DYNAP: variants seen among roughly 807,000 people sequenced by gnomAD.
The protein encoded by DYNAP is dynactin associated protein.
Under a neutral mutation model 8.5 loss-of-function variants are expected in DYNAP, and 7 were observed. That is an observed-to-expected ratio of 0.82 (90% CI 0.47 to 1.54). The LOEUF is 1.54. Among genes scored for constraint, DYNAP ranks in the 40% most tolerant of loss-of-function variants. The pLI is 0.01. For synonymous variants in DYNAP, 77 were observed against 77.9 expected (o/e 0.99, Z 0.06); for missense variants, 256 against 224.3 (o/e 1.14, Z -0.90).
chr18:54,580,358 C>T, the DYNAP span, among the ~76,000 whole-genome samples: 1 of 152,234 alleles, frequency 6.6e-6, no homozygotes, highest in African/African-American at 2.4e-5. Flanking sequence ...TGCTTACCAG[C>T]ACTTTAGCTA....
intron 1 of DYNAP, among the ~76,000 whole-genome samples, chr18:54,594,428 C>T (rs1911203213): frequency 6.6e-6 from 1 of 152,068 alleles, no homozygotes; most frequent in Admixed American, 6.6e-5. Context: ...CATAGTATGG[C>T]ATAGCATAAG....
chr18:54,583,695 G>A (rs941951924), upstream of DYNAP, among the ~76,000 whole-genome samples: 5 of 152,166 alleles, frequency 3.3e-5, no homozygotes, highest in Non-Finnish European at 7.4e-5. Flanking sequence ...TACTTAATTA[G>A]TACTATATTT....
the DYNAP span, among the ~76,000 whole-genome samples, chr18:54,575,984 G>T: frequency 6.6e-6 from 1 of 151,978 alleles, no homozygotes. Flanking sequence ...GTTCATTCTT[G>T]AACTTCATAT....
At chr18:54,591,998 T>C (rs554845922) in intron 1 of DYNAP, among the ~76,000 whole-genome samples, 1 of 152,264 alleles carries the variant, frequency 6.6e-6, no homozygotes, top group South Asian at 2.1e-4. Flanking sequence ...AATAGTGAGT[T>C]AAAATTCACT....
intron 2 of DYNAP, among the ~76,000 whole-genome samples, chr18:54,595,599 C>T (rs766835775): frequency 2.6e-5 from 4 of 152,042 alleles, no homozygotes; most frequent in Admixed American, 6.6e-5. Flanking sequence ...CTGGTGTATA[C>T]GACCTTAACA....
upstream of DYNAP, chr18:54,591,121 T>A (rs1176975897): frequency 2.2e-6 from 3 of 1,366,890 alleles, no homozygotes; most frequent in Middle Eastern, 2.1e-4. Flanking sequence ...GTGGATCCTG[T>A]TTTAGTGAAT....
At chr18:54,576,833 A>T in the DYNAP span, among the ~76,000 whole-genome samples, 2 of 104,824 alleles carry the variant, frequency 1.9e-5, no homozygotes, top group African/African-American at 2.9e-5. Context: ...CAACAACAAC[A>T]ACAACACCAA....
At position 54,598,623 on chromosome 18, in the gene DYNAP, A is replaced by T. The variant is rs1911415175; in HGVS notation, c.*478A>T. 6.5e-6 allele frequency: 1 copy of T among 153,782 alleles called. No homozygotes were observed. Among genetic ancestry groups the T allele is most frequent in the South Asian group, 2.0e-4 (1 of 4,896 alleles). 9.5% of individuals were successfully genotyped at this position (153,782 alleles called of 1,614,324 possible). A position where few individuals can be genotyped will look rare whatever the true frequency, so the allele number is the denominator to read the frequency against. On this transcript the variant is annotated 3_prime_UTR_variant, in exon 3 of 3. Coordinates refer to ENST00000648945, the MANE Select transcript of DYNAP (RefSeq NM_173629.3). ...GTTTTATTTAACCCTGTATATTGTG[A>T]CTTACTTTCTAATCTGACTCTGGCA...
At chr18:54,591,172 A>G (rs1911055362), upstream of DYNAP, 2 of 1,599,266 alleles carry the variant, frequency 1.3e-6, no homozygotes, top group South Asian at 1.1e-5. Flanking sequence ...CTGATGCATC[A>G]TAGTTGACTT....
At chr18:54,579,038 G>A in the DYNAP span, among the ~76,000 whole-genome samples, 34 of 151,966 alleles carry the variant, frequency 2.2e-4, no homozygotes, top group South Asian at 6.4e-3. Flanking sequence ...TGACCTCATG[G>A]TCCGCCCGCC....
upstream of DYNAP, chr18:54,591,016 T>C: frequency 2.2e-6 from 1 of 451,812 alleles, no homozygotes; most frequent in Non-Finnish European, 3.8e-6. Flanking sequence ...AACAATAATG[T>C]AAGGTTTTCA....
upstream of DYNAP, among the ~76,000 whole-genome samples, chr18:54,583,001 A>G (rs1910769742): frequency 6.6e-6 from 1 of 152,204 alleles, no homozygotes; most frequent in Admixed American, 6.5e-5. Context: ...TACACGTTTC[A>G]TTGATCATCC....
chr18:54,589,968 T>A (rs1005887448), upstream of DYNAP, among the ~76,000 whole-genome samples: 1 of 152,168 alleles, frequency 6.6e-6, no homozygotes, highest in Non-Finnish European at 1.5e-5. Context: ...TAAATCTTTA[T>A]GTTTTTCTTT....
rs1192588832 is a variant in DYNAP, at chr18:54,598,915, T to A, written c.*770T>A. The A allele has an allele frequency of 6.6e-6, 1 of 152,134 alleles. No homozygotes were observed. Among genetic ancestry groups the A allele is most frequent in the Non-Finnish European group, 1.5e-5 (1 of 68,010 alleles). The allele number at this position is 152,134 out of a possible 1,614,324, so 9.4% of individuals were successfully genotyped here. A position where few individuals can be genotyped will look rare whatever the true frequency, so the allele number is the denominator to read the frequency against. The stretch of plus-strand genomic sequence containing the variant: ...GATTCCTCTGCACAATAAAACTTGA[T>A]CTCCACAATCCTTTATCTTAACCTG... On this transcript the variant is annotated 3_prime_UTR_variant, in exon 3 of 3. Coordinates refer to ENST00000648945, the MANE Select transcript of DYNAP (RefSeq NM_173629.3).
At chr18:54,584,567 T>A (rs1201102764), upstream of DYNAP, among the ~76,000 whole-genome samples, 1 of 152,068 alleles carries the variant, frequency 6.6e-6, no homozygotes, top group Non-Finnish European at 1.5e-5. Flanking sequence ...TTCATAGAAA[T>A]TTTAAACCAT....
upstream of DYNAP, among the ~76,000 whole-genome samples, chr18:54,589,442 G>A (rs577781320): frequency 1.8e-4 from 27 of 152,226 alleles, no homozygotes; most frequent in South Asian, 4.8e-3. Context: ...TCAAAGAATT[G>A]TTCATAATAC....
chr18:54,586,653 C>A (rs1465658704), upstream of DYNAP, among the ~76,000 whole-genome samples: 1 of 152,138 alleles, frequency 6.6e-6, no homozygotes, highest in Non-Finnish European at 1.5e-5. Context: ...GTGTGGTACA[C>A]ACTAGACACT....
At chr18:54,581,562 C>G in the DYNAP span, among the ~76,000 whole-genome samples, 2 of 152,328 alleles carry the variant, frequency 1.3e-5, no homozygotes, top group East Asian at 3.9e-4. Flanking sequence ...CGAAAGCATT[C>G]TGACATGCTA....
upstream of DYNAP, among the ~76,000 whole-genome samples, chr18:54,588,206 ATT>A (rs11364471): frequency 0.024 from 3,283 of 138,738 alleles, 66 homozygotes; most frequent in Admixed American, 0.075. Context: ...GTTGGGAATA[ATT>A]TTTTTTTTTT....
Sources: gnomAD v4.1 joint callset for allele counts (sites outside exome capture counted in the v4.1 genomes callset) on GRCh38, gnomAD v4.1.1 for gene constraint, MANE v1.5 for transcripts, NCBI Gene and HGNC (gene_info 2026-07-23, HGNC 2026-07-21) for gene names.